The following ZNF385C variants were observed in gnomAD, a reference collection of about 807,000 sequenced individuals.
ZNF385C encodes zinc finger protein 385C.
A neutral mutation model predicts 35.4 loss-of-function variants in ZNF385C; 28 were observed. That is an observed-to-expected ratio of 0.79 (90% CI 0.59 to 1.08). ZNF385C has a LOEUF of 1.08. Among genes scored for constraint, ZNF385C ranks in the 50% least tolerant of loss-of-function variants. The pLI is 0.00. For missense variants in ZNF385C, 605 were observed against 595.6 expected (o/e 1.02, Z -0.16); for synonymous variants, 248 against 248.2 (o/e 1.00, Z 0.01).
chr17:42,088,407 C>T (rs1385643154), intron 1 of ZNF385C, among the ~76,000 whole-genome samples: 5 of 152,278 alleles, frequency 3.3e-5, no homozygotes, highest in African/African-American at 1.2e-4. Flanking sequence ...ACAGAGGCCC[C>T]TTTGTCTCCC....
In ZNF385C at chr17:42,095,446, G is replaced by T. The variant is rs535869864; in HGVS notation, c.-3+2964C>A. On this transcript the variant is annotated intron_variant, in intron 1 of 8. Coordinates refer to ENST00000692273, the MANE Select transcript of ZNF385C (RefSeq NM_001392013.1). This position sits in a 1 kb window ranked among gnomAD's most constrained non-coding sequence, Gnocchi z 4.4. ...TCCCTCTGAGAAGGGCAGCCAGAGGGATGGTGGGGTCCAACCCTGGCTTTC... is the reference window on the plus strand; with the variant it reads ...TCCCTCTGAGAAGGGCAGCCAGAGGTATGGTGGGGTCCAACCCTGGCTTTC... Among the ~76,000 whole-genome samples, 16 of 152,316 alleles carry T rather than the reference G, an allele frequency of 1.1e-4. No individual in the cohort carries two copies. The highest frequency in any genetic ancestry group is 6.8e-3 in the Middle Eastern group (2 of 294).
intron 5 of ZNF385C, among the ~76,000 whole-genome samples, chr17:42,030,492 A>C (rs2052702230): frequency 6.6e-6 from 1 of 152,106 alleles, no homozygotes; most frequent in African/African-American, 2.4e-5. Flanking sequence ...TGTCTCAAAA[A>C]ACAAACAAAC....
chr17:42,097,512 C>T (rs1377980567), intron 1 of ZNF385C, among the ~76,000 whole-genome samples: 14 of 152,132 alleles, frequency 9.2e-5, no homozygotes, highest in Admixed American at 9.2e-4. Context: ...CCTGGGGTCC[C>T]AGCTGGACCC....
At position 42,034,079 on chromosome 17, in the gene ZNF385C, G is replaced by A. The variant is rs116395998; in HGVS notation, c.510+146C>T. ...GGATGCGATGGTTAAAGGACCAAGAGTGCCTCTTCTGCAGCCAGGGTGGAA... is the reference window on the plus strand; with the variant it reads ...GGATGCGATGGTTAAAGGACCAAGAATGCCTCTTCTGCAGCCAGGGTGGAA... On this transcript the variant is annotated intron_variant, in intron 4 of 8. Coordinates refer to ENST00000692273, the MANE Select transcript of ZNF385C (RefSeq NM_001392013.1). The A allele has an allele frequency of 8.0e-4, 550 of 684,486 alleles. 2 individuals carry two copies. In the African/African-American group the frequency reaches 9.0e-3, roughly 11 times the overall value. 42.4% of individuals were successfully genotyped at this position (684,486 alleles called of 1,614,324 possible).
At chr17:42,074,611 G>C (rs1002318695) in intron 1 of ZNF385C, among the ~76,000 whole-genome samples, 1 of 152,132 alleles carries the variant, frequency 6.6e-6, no homozygotes, top group East Asian at 1.9e-4. Context: ...GGATGGTCTC[G>C]ATCTCCTGAC....
At chr17:42,027,518 G>T in intron 8 of ZNF385C, 100 bp downstream of exon 8, 1 of 1,026,774 alleles carries the variant, frequency 9.7e-7, no homozygotes, top group Non-Finnish European at 1.4e-6. Context: ...TTGCAGGGTG[G>T]CCTCTTTTCC....
At chr17:42,063,608 A>C (rs2053499092) in intron 1 of ZNF385C, among the ~76,000 whole-genome samples, 1 of 152,226 alleles carries the variant, frequency 6.6e-6, no homozygotes, top group Non-Finnish European at 1.5e-5. Flanking sequence ...CGACATGTCT[A>C]CACACGGGGA....
At chr17:42,070,643 A>G (rs1598200012) in intron 1 of ZNF385C, among the ~76,000 whole-genome samples, 1 of 152,220 alleles carries the variant, frequency 6.6e-6, no homozygotes, top group African/African-American at 2.4e-5. Context: ...GCAAGTAGGT[A>G]GGGCCAGGTC....
intron 2 of ZNF385C, chr17:42,039,807 G>T (rs782791613): frequency 9.7e-6 from 12 of 1,231,930 alleles, no homozygotes; most frequent in Non-Finnish European, 1.2e-5. Flanking sequence ...CATCCACTGC[G>T]ATCTTCACCA....
chr17:42,053,234 G>C (rs1224437947), intron 2 of ZNF385C, among the ~76,000 whole-genome samples: 1 of 152,220 alleles, frequency 6.6e-6, no homozygotes, highest in Non-Finnish European at 1.5e-5. Context: ...CCCAAGGAAA[G>C]GGTTCCCCCA....
At chr17:42,054,420 G>A (rs920234688) in intron 2 of ZNF385C, among the ~76,000 whole-genome samples, 3 of 152,092 alleles carry the variant, frequency 2.0e-5, no homozygotes, top group Non-Finnish European at 4.4e-5. Context: ...CTGAGCCTCA[G>A]AGAGGTGTTG....
chr17:42,039,516 A>C (rs2052951718), intron 2 of ZNF385C: 38 of 365,144 alleles, frequency 1.0e-4, no homozygotes, highest in Middle Eastern at 7.2e-4. Context: ...CTCTTGAGCC[A>C]GTCCCTTCCT....
chr17:42,051,633 G>A (rs1201615454), intron 2 of ZNF385C, among the ~76,000 whole-genome samples: 1 of 152,140 alleles, frequency 6.6e-6, no homozygotes, highest in Non-Finnish European at 1.5e-5. Flanking sequence ...CTGGCCTGCT[G>A]CTGTGGATCA....
At chr17:42,076,800 C>T (rs1002752520) in intron 1 of ZNF385C, among the ~76,000 whole-genome samples, 11 of 152,162 alleles carry the variant, frequency 7.2e-5, no homozygotes, top group African/African-American at 2.6e-4. Flanking sequence ...CCCAATATGC[C>T]CAGTAACTTT....
At chr17:42,031,563 T>G (rs1230646425) in intron 5 of ZNF385C, 56 bp downstream of exon 5, 6 of 1,513,828 alleles carry the variant, frequency 4.0e-6, no homozygotes, top group Non-Finnish European at 5.3e-6. Flanking sequence ...CTCAACCCCT[T>G]GTCGGAAACC....
chr17:42,032,306 G>A (rs536673337), intron 4 of ZNF385C, among the ~76,000 whole-genome samples: 2 of 152,170 alleles, frequency 1.3e-5, no homozygotes, highest in South Asian at 4.2e-4. Context: ...TGATCCACCC[G>A]CCTCAGCCTC....
chr17:42,027,088 G>A lies in ZNF385C; in HGVS notation c.1321C>T (p.Arg441Cys), dbSNP rs146300100. The part of the protein sequence containing the change: ...QKQLTKTLAA[R>C]FLPSPLPTAA... ...GTGGGGAGCGGGCTGGGCAGGAAGCGGGCTGCCAACGTCTTGGTGAGTTGC... is the reference window on the plus strand; with the variant it reads ...GTGGGGAGCGGGCTGGGCAGGAAGCAGGCTGCCAACGTCTTGGTGAGTTGC... Residue 441 changes from arginine to cysteine, a missense_variant, in exon 9 of 9, where the codon CGC becomes TGC. By Grantham distance (180) the Arg-to-Cys change is radical. Transcript: ENST00000692273. 198 of 1,612,574 alleles carry A rather than the reference G, an allele frequency of 1.2e-4. No individual in the cohort carries two copies. Among genetic ancestry groups the A allele is most frequent in the Non-Finnish European group, 1.6e-4 (188 of 1,179,424 alleles).
chr17:42,062,893 G>T lies in ZNF385C; in HGVS notation c.164C>A (p.Ala55Glu). 1.5e-6 allele frequency: 1 copy of T among 679,876 alleles called. No homozygotes were observed. The highest frequency in any genetic ancestry group is 2.3e-4 in the Middle Eastern group (1 of 4,264). The allele number at this position is 679,876 out of a possible 1,614,324, so 42.1% of individuals were successfully genotyped here. Residue 55 changes from alanine to glutamate, a missense_variant, in exon 2 of 9, where the codon GCG (alanine) becomes GAG (glutamate). Physicochemically the swap from Ala to Glu is moderately radical, Grantham distance 107 (BLOSUM62 -1). Transcript: ENST00000692273. Reference protein sequence around the residue: ...CDVCNIQLNSAAQAQVHCGGR... With the variant: ...CDVCNIQLNSEAQAQVHCGGR... ...CCCACAGTGCACCTGGGCCTGGGCC[G>T]CCGAGTTCAGCTGGATGTTGCAGAC...
chr17:42,073,628 C>G (rs2053654705), intron 1 of ZNF385C, among the ~76,000 whole-genome samples: 1 of 152,068 alleles, frequency 6.6e-6, no homozygotes, highest in Non-Finnish European at 1.5e-5. Flanking sequence ...AATCAAAGCA[C>G]AGGGTCCAGC....
Sources: allele counts gnomAD v4.1 joint callset (sites outside exome capture counted in the v4.1 genomes callset), GRCh38; gene constraint gnomAD v4.1.1; non-coding constraint Gnocchi (gnomAD v3.1); transcripts MANE v1.5; gene names NCBI Gene and HGNC (gene_info 2026-07-23, HGNC 2026-07-21).